VWA8: variants seen among roughly 807,000 people sequenced by gnomAD.
VWA8 encodes von Willebrand factor A domain containing 8.
Under a neutral mutation model 241.5 loss-of-function variants are expected in VWA8, and 221 were observed. That is an observed-to-expected ratio of 0.91 (90% CI 0.82 to 1.02). VWA8 has a LOEUF of 1.02. VWA8 is among the 50% of genes least tolerant of loss of function. The probability of loss-of-function intolerance (pLI) is 0.00; values close to 1 mark genes in which losing one functional copy is unlikely to be tolerated. For missense variants in VWA8, 2,322 were observed against 2,328.7 expected (o/e 1.00, Z 0.06); for synonymous variants, 852 against 827.1 (o/e 1.03, Z -0.52).
intron 19 of VWA8, among the ~76,000 whole-genome samples, chr13:41,782,321 C>G (rs909389449): frequency 6.6e-6 from 1 of 152,166 alleles, no homozygotes; most frequent in Non-Finnish European, 1.5e-5. Flanking sequence ...TCTTTGCCAC[C>G]ATGGAGTTTT....
At chr13:41,847,475 G>C (rs926017952) in intron 12 of VWA8, among the ~76,000 whole-genome samples, 2 of 152,188 alleles carry the variant, frequency 1.3e-5, no homozygotes, top group African/African-American at 4.8e-5. Flanking sequence ...CAGATTTAAG[G>C]GATTAAAAGT....
intron 19 of VWA8, among the ~76,000 whole-genome samples, chr13:41,783,252 A>G (rs1405447186): frequency 1.3e-5 from 2 of 148,914 alleles, no homozygotes; most frequent in South Asian, 2.1e-4. Context: ...TATACTTAAT[A>G]TATATAAAAT....
At chr13:41,846,755 G>A (rs976790033) in intron 12 of VWA8, among the ~76,000 whole-genome samples, 2 of 152,114 alleles carry the variant, frequency 1.3e-5, no homozygotes, top group African/African-American at 4.8e-5. Flanking sequence ...AAAATTTTCA[G>A]GCTAGGCACG....
chr13:41,770,395 C>T (rs992549918), intron 20 of VWA8, among the ~76,000 whole-genome samples: 32 of 149,228 alleles, frequency 2.1e-4, no homozygotes, highest in African/African-American at 7.2e-4. Context: ...GAGCCGAGAT[C>T]GCGCCACTGC....
At chr13:41,780,836 C>T (rs1220853833) in intron 19 of VWA8, among the ~76,000 whole-genome samples, 1 of 152,152 alleles carries the variant, frequency 6.6e-6, no homozygotes, top group African/African-American at 2.4e-5. Context: ...TGTTTCCAAC[C>T]ATGGGCACGA....
rs1202399772 is a variant in VWA8 at position 41,739,829 on chromosome 13, TTTTTTTTTTGTTTTTTTTGTTTTTTTTG to T, written c.2427-7702_2427-7675del. The stretch of plus-strand genomic sequence containing the variant: ...TCTTCCAGTATCATTGTTTTTTTGT[TTTTTTTTTTGTTTTTTTTGTTTTTTTTG>T]TTTTTTTTTTTTTTTGAGACAGAGT... On this transcript the variant is annotated intron_variant, in intron 21 of 44. Coordinates refer to ENST00000379310, the MANE Select transcript of VWA8 (RefSeq NM_015058.2). 1.4e-3 allele frequency among the ~76,000 whole-genome samples: 112 copies of T among 78,738 alleles called. 12 individuals are homozygous for T. Among genetic ancestry groups the T allele is most frequent in the African/African-American group, 5.0e-3 (63 of 12,598 alleles). The allele number at this position is 78,738 out of a possible 152,430, so 51.7% of individuals were successfully genotyped here.
chr13:41,605,566 T>A (rs529857173), intron 39 of VWA8, among the ~76,000 whole-genome samples: 1 of 152,294 alleles, frequency 6.6e-6, no homozygotes, highest in African/African-American at 2.4e-5. Context: ...AGTTACAAGC[T>A]ATGAACAGTG....
intron 4 of VWA8, among the ~76,000 whole-genome samples, chr13:41,901,264 A>C (rs1383153994): frequency 1.3e-5 from 2 of 152,122 alleles, no homozygotes; most frequent in Non-Finnish European, 2.9e-5. Flanking sequence ...GGCATGAGCC[A>C]CTGCACTCAG....
At chr13:41,603,581 T>C (rs1341179717) in intron 40 of VWA8, among the ~76,000 whole-genome samples, 1 of 152,158 alleles carries the variant, frequency 6.6e-6, no homozygotes, top group African/African-American at 2.4e-5. Context: ...TCTAAGGGTC[T>C]CTTTCTGCCC....
rs375693522 is a variant in VWA8, at chr13:41,701,462, A to T, written c.3294T>A (p.Thr1098=). 3.1e-6 allele frequency: 5 copies of T among 1,612,410 alleles called. No individual in the cohort carries two copies. In the African/African-American group the frequency reaches 6.7e-5, roughly 22 times the overall value. The change falls in exon 28 of 45, where the codon ACT becomes ACA. Residue 1098 remains threonine, a synonymous_variant. Coordinates refer to ENST00000379310, the MANE Select transcript of VWA8 (RefSeq NM_015058.2). ...GTATTCTCCATGAGGCACATTCTTC[A>T]GTAAAGTTTAGGGATCTTTCTTCAT... ...ERHEERSLNF[T]EECASWRIPL...
chr13:41,884,489 G>A (rs937430352), intron 8 of VWA8, among the ~76,000 whole-genome samples: 1 of 151,954 alleles, frequency 6.6e-6, no homozygotes, highest in African/African-American at 2.4e-5. Context: ...CCCAGTCTCA[G>A]GTATTTCTTC....
chr13:41,620,433 T>C (rs532317695), intron 37 of VWA8, among the ~76,000 whole-genome samples: 3 of 152,318 alleles, frequency 2.0e-5, no homozygotes, highest in South Asian at 2.1e-4. Flanking sequence ...CCTGGATTCA[T>C]TGATTTTTTG....
At chr13:41,724,122 G>C (rs975870599) in intron 24 of VWA8, among the ~76,000 whole-genome samples, 1 of 152,140 alleles carries the variant, frequency 6.6e-6, no homozygotes, top group Admixed American at 6.5e-5. Context: ...GATTCAGTAC[G>C]ATGAGGACTA....
intron 2 of VWA8, among the ~76,000 whole-genome samples, chr13:41,946,439 T>TC (rs1317730431): frequency 3.3e-5 from 5 of 152,122 alleles, no homozygotes; most frequent in African/African-American, 1.2e-4. Flanking sequence ...TTTAAAAACT[T>TC]CATAAAGCAA....
chr13:41,938,764 C>CT (rs11383780), intron 2 of VWA8, among the ~76,000 whole-genome samples: 35,026 of 152,012 alleles, frequency 0.23, 4,102 homozygotes, highest in East Asian at 0.29. Context: ...AGCCCTGCAT[C>CT]TTTGATTTTT....
At chr13:41,770,933 C>A (rs1359240915) in intron 20 of VWA8, among the ~76,000 whole-genome samples, 2 of 146,602 alleles carry the variant, frequency 1.4e-5, no homozygotes, top group African/African-American at 5.0e-5. Flanking sequence ...GCTGACAAAC[C>A]CTGGGAAGTG....
intron 1 of VWA8, among the ~76,000 whole-genome samples, chr13:41,956,822 TTAA>T (rs1376671843): frequency 6.6e-6 from 1 of 152,230 alleles, no homozygotes; most frequent in Non-Finnish European, 1.5e-5. Flanking sequence ...ACATATAAAC[TTAA>T]TAACTACTTT....
intron 32 of VWA8, 143 bp from the exon 33 acceptor site, chr13:41,690,418 T>C: frequency 1.5e-6 from 1 of 648,802 alleles, no homozygotes. Context: ...TCATCATGAA[T>C]TAACAAATAA....
intron 37 of VWA8, among the ~76,000 whole-genome samples, chr13:41,664,573 G>A (rs1425591076): frequency 1.3e-5 from 2 of 151,926 alleles, no homozygotes; most frequent in Non-Finnish European, 2.9e-5. Flanking sequence ...GTCCTAATTG[G>A]TGCCTTTTGT....
Sources: allele counts gnomAD v4.1 joint callset (sites outside exome capture counted in the v4.1 genomes callset), GRCh38; gene constraint gnomAD v4.1.1; transcripts MANE v1.5; gene names NCBI Gene and HGNC (gene_info 2026-07-23, HGNC 2026-07-21).